Variants in CDH17 observed in about 807,000 individuals in gnomAD.
CDH17 encodes the protein cadherin-17.
CDH17 carries 67 observed loss-of-function variants against 86.3 expected under a neutral mutation model. The observed-to-expected ratio is 0.78, with a 90% CI of 0.64 to 0.95. The LOEUF (loss-of-function observed/expected upper bound fraction) is 0.95. Ranked by LOEUF, CDH17 falls within the 40% of genes least tolerant of loss-of-function variation. The probability of loss-of-function intolerance (pLI) is 0.00; values close to 1 mark genes in which losing one functional copy is unlikely to be tolerated. For synonymous variants in CDH17, 367 were observed against 366.4 expected, an observed-to-expected ratio of 1.00 and a Z score of -0.02; for missense variants, 993 against 1,017.6, an observed-to-expected ratio of 0.98 and a Z score of 0.33.
chr8:94,188,731 C>CA (rs1248165988), intron 3 of CDH17, among the ~76,000 whole-genome samples: 1 of 152,178 alleles, frequency 6.6e-6, no homozygotes, highest in African/African-American at 2.4e-5. Flanking sequence ...GACAATGGCC[C>CA]ACATGGGGGC....
At chr8:94,199,280 C>T (rs1050512221) in intron 1 of CDH17, among the ~76,000 whole-genome samples, 5 of 151,584 alleles carry the variant, frequency 3.3e-5, no homozygotes, top group African/African-American at 1.2e-4. Context: ...TTGTTCTCAC[C>T]TGTAAGAGCT....
At chr8:94,128,406 A>G (rs1463561438) in intron 17 of CDH17, 66 bp from the exon 18 acceptor site, 1 of 1,001,016 alleles carries the variant, frequency 1.0e-6, no homozygotes, top group African/African-American at 1.6e-5. Flanking sequence ...ATTCAGTTAT[A>G]AAGTAGTATT....
At chr8:94,179,453 G>T (rs1813436125) in intron 3 of CDH17, among the ~76,000 whole-genome samples, 1 of 152,220 alleles carries the variant, frequency 6.6e-6, no homozygotes, top group Non-Finnish European at 1.5e-5. Context: ...TCCATAAGGG[G>T]CTTTGAAAAT....
rs1191684880 is a variant in CDH17 at position 94,128,183 on chromosome 8, A to AGAT, written c.*54_*56dup. 4 of 1,035,522 alleles carry AGAT rather than the reference A, an allele frequency of 3.9e-6. No individual in the cohort carries two copies. In the East Asian group the frequency reaches 9.5e-5, roughly 24 times the overall value. 64.1% of individuals were successfully genotyped at this position (1,035,522 alleles called of 1,614,324 possible). A position where few individuals can be genotyped will look rare whatever the true frequency, so the allele number is the denominator to read the frequency against. ...ACGTTAGATGAAAAGTAATAGGATG[A>AGAT]GATGGTTGTTGCTGAAATAGCACTT... On this transcript the variant is annotated 3_prime_UTR_variant, in exon 18 of 18. Transcript: ENST00000027335.
At chr8:94,192,813 G>T (rs1418110105) in intron 2 of CDH17, among the ~76,000 whole-genome samples, 1 of 152,048 alleles carries the variant, frequency 6.6e-6, no homozygotes, top group African/African-American at 2.4e-5. Flanking sequence ...TCTCTCTTTG[G>T]TGCCCCTGAA....
chr8:94,162,534 T>G (rs1361989751), intron 10 of CDH17, among the ~76,000 whole-genome samples: 2 of 152,228 alleles, frequency 1.3e-5, no homozygotes, highest in African/African-American at 4.8e-5. Flanking sequence ...AAAACTGTCC[T>G]TCCAGAAAGC....
intron 12 of CDH17, among the ~76,000 whole-genome samples, chr8:94,158,283 G>A (rs1347344753): frequency 6.6e-6 from 1 of 152,116 alleles, no homozygotes; most frequent in Non-Finnish European, 1.5e-5. Context: ...GTGACAAAGA[G>A]TTTGGTCAGA....
rs893160008 is a variant in CDH17 at position 94,180,751 on chromosome 8, C to T, written c.151-3030G>A. On this transcript the variant is annotated intron_variant, in intron 3 of 17. Coordinates refer to ENST00000027335, the MANE Select transcript of CDH17 (RefSeq NM_004063.4). Reference sequence around the variant, plus strand: ...TCTACTAAAAACACAAAAAATTAGCCGGGCATGGTGGTGGGCATCTGTAGT... The same window carrying T: ...TCTACTAAAAACACAAAAAATTAGCTGGGCATGGTGGTGGGCATCTGTAGT... Among the ~76,000 whole-genome samples the T allele has an allele frequency of 2.6e-5, 4 of 151,776 alleles. No individual in the cohort carries two copies. The South Asian group carries it at 8.3e-4, about 32-fold the overall frequency.
intron 15 of CDH17, among the ~76,000 whole-genome samples, chr8:94,132,185 A>G (rs147962419): frequency 6.6e-6 from 1 of 152,190 alleles, no homozygotes; most frequent in Admixed American, 6.5e-5. Flanking sequence ...TCCTTTGGGT[A>G]TATACCCAGT....
At chr8:94,171,106 G>T (rs748479352) in intron 7 of CDH17, 121 bp from the exon 8 acceptor site, 2 of 1,003,642 alleles carry the variant, frequency 2.0e-6, no homozygotes, top group African/African-American at 1.7e-5. Context: ...GTGGTTTCTT[G>T]TAACAACTGA....
rs369935942 is a variant in CDH17, at chr8:94,180,750, C to A, written c.151-3029G>T. Among the ~76,000 whole-genome samples, 21 of 152,018 alleles carry A rather than the reference C, an allele frequency of 1.4e-4. No individual in the cohort carries two copies. The East Asian group carries it at 3.7e-3, about 27-fold the overall frequency. ...CTCTACTAAAAACACAAAAAATTAG[C>A]CGGGCATGGTGGTGGGCATCTGTAG... On this transcript the variant is annotated intron_variant, in intron 3 of 17. Coordinates refer to ENST00000027335, the MANE Select transcript of CDH17 (RefSeq NM_004063.4).
chr8:94,189,280 A>T lies in CDH17; in HGVS notation c.57T>A (p.Thr19=), dbSNP rs1360838487. 6.2e-7 allele frequency: 1 copy of T among 1,600,186 alleles called. No homozygotes were observed. The highest frequency in any genetic ancestry group is 2.2e-5 in the East Asian group (1 of 44,810). ...SLCLLMLYLA[T]GYGQEGKFSG... Reference sequence around the variant, plus strand: ...TAAACTTCCCCTCTTGGCCATATCCAGTTGCCTGTTAAAAAAGAAAGAGAA... The same window carrying T: ...TAAACTTCCCCTCTTGGCCATATCCTGTTGCCTGTTAAAAAAGAAAGAGAA... Residue 19 remains threonine, a synonymous_variant, in exon 3 of 18, where the codon ACT becomes ACA. Coordinates refer to ENST00000027335, the MANE Select transcript of CDH17 (RefSeq NM_004063.4).
Position 94,148,725 on chromosome 8 carries a change from T to G in CDH17, c.1927+19A>C, listed in dbSNP as rs1278781012. ...AATCTGTGTTCCTTTTTTTTTGTTTTTTTTTTTTTTTTGCTTACCTACTTC... is the reference window on the plus strand; with the variant it reads ...AATCTGTGTTCCTTTTTTTTTGTTTGTTTTTTTTTTTTGCTTACCTACTTC... On this transcript the variant is annotated intron_variant, in intron 14 of 17. Transcript: ENST00000027335. 9.4e-6 allele frequency: 13 copies of G among 1,386,822 alleles called. No individual in the cohort carries two copies. The highest frequency in any genetic ancestry group is 1.6e-5 in the South Asian group (1 of 63,100). The allele number at this position is 1,386,822 out of a possible 1,614,324, so 85.9% of individuals were successfully genotyped here.
intron 9 of CDH17, among the ~76,000 whole-genome samples, chr8:94,169,733 A>G (rs1474564210): frequency 1.3e-5 from 2 of 152,226 alleles, no homozygotes; most frequent in Non-Finnish European, 2.9e-5. Flanking sequence ...AAACCCAGAG[A>G]AGCCATAAAA....
intron 1 of CDH17, among the ~76,000 whole-genome samples, chr8:94,204,113 T>A (rs545212262): frequency 2.3e-4 from 35 of 152,292 alleles, no homozygotes; most frequent in African/African-American, 4.8e-4. Context: ...ATTCTTTTTT[T>A]AAAAAATGTT....
Position 94,177,625 on chromosome 8 carries a change from C to A in CDH17, c.247G>T (p.Ala83Ser). The change falls in exon 4 of 18, where the codon GCC (alanine) becomes TCC (serine). Residue 83 changes from alanine (A) to serine (S), a missense_variant. Physicochemically the swap from Ala to Ser is moderately conservative, Grantham distance 99. Coordinates refer to ENST00000027335, the MANE Select transcript of CDH17 (RefSeq NM_004063.4). ...EREGLLYYNR[A>S]LDRETRSTHN... is the part of the protein sequence containing the mutation. ...GTAGATCTTGTTTCCCTGTCCAAGG[C>A]TCTGTTGTAATACAGAAGTCCCTCC... 1 of 1,613,782 alleles carries A rather than the reference C, an allele frequency of 6.2e-7. No homozygotes were observed. The highest frequency in any genetic ancestry group is 8.5e-7 in the Non-Finnish European group (1 of 1,179,782).
At chr8:94,181,250 T>C (rs1813479555) in intron 3 of CDH17, among the ~76,000 whole-genome samples, 1 of 152,124 alleles carries the variant, frequency 6.6e-6, no homozygotes, top group Non-Finnish European at 1.5e-5. Flanking sequence ...ATTGACGATT[T>C]CAAGACTTTA....
At chr8:94,168,301 G>GT (rs34513341) in intron 9 of CDH17, among the ~76,000 whole-genome samples, 34,358 of 121,556 alleles carry the variant, frequency 0.28, 5,843 homozygotes, top group South Asian at 0.44. Flanking sequence ...AATTTTTGCA[G>GT]TTTTTTTTTT....
At chr8:94,184,206 AGTGT>A (rs60426952) in intron 3 of CDH17, among the ~76,000 whole-genome samples, 3 of 151,308 alleles carry the variant, frequency 2.0e-5, no homozygotes, top group Non-Finnish European at 4.4e-5. Flanking sequence ...CCTGCTACTG[AGTGT>A]GTGTGTGTGT....
Sources: allele counts gnomAD v4.1 joint callset (sites outside exome capture counted in the v4.1 genomes callset), GRCh38; gene constraint gnomAD v4.1.1; transcripts MANE v1.5; gene names NCBI Gene and HGNC (gene_info 2026-07-23, HGNC 2026-07-21).